ACTR3C: variants seen among roughly 807,000 people sequenced by gnomAD.
ACTR3C encodes the protein actin related protein 3C.
In ACTR3C, 18 loss-of-function variants were observed where a neutral mutation model predicts 26.3. The observed-to-expected ratio is 0.68, with a 90% CI of 0.47 to 1.01. ACTR3C has a LOEUF of 1.01. ACTR3C is among the 50% of genes least tolerant of loss of function. ACTR3C has a pLI of 0.00. For missense variants in ACTR3C, 184 were observed against 250.7 expected, an observed-to-expected ratio of 0.73 and a Z score of 1.80; for synonymous variants, 55 against 94.5, an observed-to-expected ratio of 0.58 and a Z score of 2.42.
At chr7:149,922,702 T>C in the ACTR3C span, among the ~76,000 whole-genome samples, 35,389 of 149,272 alleles carry the variant, frequency 0.24, 5,123 homozygotes, top group African/African-American at 0.41. Flanking sequence ...TTCCAGGAAG[T>C]AGTGTTACAT....
At chr7:150,209,720 A>AATAC in the ACTR3C span, among the ~76,000 whole-genome samples, 4 of 60,172 alleles carry the variant, frequency 6.6e-5, no homozygotes, top group Non-Finnish European at 6.5e-5. Context: ...CTCTACTAAA[A>AATAC]ATACACACAC....
At chr7:150,170,645 A>G in the ACTR3C span, among the ~76,000 whole-genome samples, 1 of 150,334 alleles carries the variant, frequency 6.7e-6, no homozygotes, top group South Asian at 2.1e-4. Context: ...TTTTTAGCAT[A>G]AAATACTAGG....
chr7:149,972,893 CG>C, the ACTR3C span, among the ~76,000 whole-genome samples: 1 of 151,666 alleles, frequency 6.6e-6, no homozygotes, highest in African/African-American at 2.4e-5. Context: ...CGTGCGTGGG[CG>C]GCATGTCTGT....
the ACTR3C span, among the ~76,000 whole-genome samples, chr7:150,015,220 C>T: frequency 2.6e-5 from 4 of 152,118 alleles, no homozygotes; most frequent in Admixed American, 6.6e-5. Flanking sequence ...CAATGGAACC[C>T]GCTGTCCCTG....
At chr7:149,962,676 G>A in the ACTR3C span, among the ~76,000 whole-genome samples, 6 of 152,234 alleles carry the variant, frequency 3.9e-5, no homozygotes, top group Admixed American at 1.3e-4. Context: ...TCATAGTTCC[G>A]GAGACTTCCA....
the ACTR3C span, among the ~76,000 whole-genome samples, chr7:150,075,420 T>A: frequency 6.8e-6 from 1 of 148,006 alleles, no homozygotes; most frequent in Non-Finnish European, 1.5e-5. Flanking sequence ...CTCAAGATAG[T>A]GTCTTCTGAG....
At chr7:150,191,284 G>C in the ACTR3C span, among the ~76,000 whole-genome samples, 1 of 152,112 alleles carries the variant, frequency 6.6e-6, no homozygotes, top group African/African-American at 2.4e-5. Context: ...AGATTGCATT[G>C]AACAAACATA....
At chr7:150,317,718 AT>A (rs1417421119) in intron 1 of ACTR3C, among the ~76,000 whole-genome samples, 2 of 152,218 alleles carry the variant, frequency 1.3e-5, no homozygotes, top group Non-Finnish European at 2.9e-5. Flanking sequence ...AGGTGGATAT[AT>A]CTGATCATGC....
chr7:150,249,090 G>A (rs2129609020), intron 6 of ACTR3C, 36 bp from the exon 7 acceptor site: 4 of 604,314 alleles, frequency 6.6e-6, no homozygotes, highest in Non-Finnish European at 9.0e-6. Flanking sequence ...GGGCAGCAGA[G>A]TCTCATGGGT....
At chr7:150,145,049 CAAAA>C in the ACTR3C span, among the ~76,000 whole-genome samples, 113 of 106,158 alleles carry the variant, frequency 1.1e-3, 1 homozygote, top group East Asian at 0.028. Flanking sequence ...GACTCCATCT[CAAAA>C]AAAAAAAAAA....
the ACTR3C span, among the ~76,000 whole-genome samples, chr7:150,042,169 CTG>C: frequency 3.2e-5 from 1 of 31,116 alleles, no homozygotes. Flanking sequence ...CTCTCAGTCC[CTG>C]CCTCGCGGGG....
the ACTR3C span, among the ~76,000 whole-genome samples, chr7:149,883,338 C>T: frequency 6.6e-6 from 1 of 152,144 alleles, no homozygotes; most frequent in South Asian, 2.1e-4. Context: ...ACCCGTGCCC[C>T]CAACACCATC....
chr7:150,015,162 A>G, the ACTR3C span, among the ~76,000 whole-genome samples: 1 of 151,884 alleles, frequency 6.6e-6, no homozygotes, highest in Non-Finnish European at 1.5e-5. Flanking sequence ...ATGCTATGTG[A>G]CTCTCTAGGG....
chr7:149,968,459 G>A, the ACTR3C span, among the ~76,000 whole-genome samples: 1 of 152,218 alleles, frequency 6.6e-6, no homozygotes, highest in East Asian at 1.9e-4. Context: ...CGTGAACCCA[G>A]GAGGCGGAGT....
At chr7:149,907,478 TTC>T in the ACTR3C span, among the ~76,000 whole-genome samples, 6,449 of 97,688 alleles carry the variant, frequency 0.066, 262 homozygotes, top group East Asian at 0.24. Flanking sequence ...CTCTCTTCTC[TTC>T]TCTCTCTCTC....
At chr7:150,229,393 G>C in the ACTR3C span, among the ~76,000 whole-genome samples, 3 of 152,074 alleles carry the variant, frequency 2.0e-5, no homozygotes, top group Non-Finnish European at 4.4e-5. Flanking sequence ...TATCATTAAT[G>C]GGTGCTGGTT....
chr7:150,196,112 C>A, the ACTR3C span, among the ~76,000 whole-genome samples: 2 of 152,188 alleles, frequency 1.3e-5, no homozygotes, highest in Non-Finnish European at 2.9e-5. Flanking sequence ...TATTCTTGAA[C>A]TTCTCAGATC....
the ACTR3C span, among the ~76,000 whole-genome samples, chr7:149,938,221 C>A: frequency 0.019 from 2,899 of 152,176 alleles, 85 homozygotes; most frequent in African/African-American, 0.065. Context: ...ACTCTCAGCC[C>A]CCAAAATTCT....
At chr7:150,046,937 G>C in the ACTR3C span, among the ~76,000 whole-genome samples, 1 of 152,136 alleles carries the variant, frequency 6.6e-6, no homozygotes, top group South Asian at 2.1e-4. Flanking sequence ...CCAGGGCTGG[G>C]AGGGGAGACA....
Sources: allele counts gnomAD v4.1 joint callset (sites outside exome capture counted in the v4.1 genomes callset), GRCh38; gene constraint gnomAD v4.1.1; transcripts MANE v1.5; gene names NCBI Gene and HGNC (gene_info 2026-07-23, HGNC 2026-07-21).